The following GARNL3 variants were observed in gnomAD, a reference collection of about 807,000 sequenced individuals.
GARNL3 encodes GTPase activating Rap/RanGAP domain like 3.
Under a neutral mutation model 125.0 loss-of-function variants are expected in GARNL3, and 63 were observed. The observed-to-expected ratio is 0.50, with a 90% confidence interval of 0.41 to 0.62. The LOEUF (loss-of-function observed/expected upper bound fraction) is 0.62. Among genes scored for constraint, GARNL3 ranks in the 20% least tolerant of loss-of-function variants. The pLI is 0.00. For synonymous variants in GARNL3, 439 were observed against 457.5 expected, an observed-to-expected ratio of 0.96 and a Z score of 0.52; for missense variants, 994 against 1,244.0, an observed-to-expected ratio of 0.80 and a Z score of 3.02.
At position 127,385,196 on chromosome 9, in the gene GARNL3, T is replaced by C. The variant is rs1196609865; in HGVS notation, c.2388+51T>C. 8 of 1,185,734 alleles carry C rather than the reference T, an allele frequency of 6.7e-6. No homozygotes were observed. The highest frequency in any genetic ancestry group is 9.6e-6 in the Non-Finnish European group (8 of 830,242). The allele number at this position is 1,185,734 out of a possible 1,614,324, so 73.5% of individuals were successfully genotyped here. On this transcript the variant is annotated intron_variant, in intron 24 of 27. Coordinates refer to ENST00000373387, the MANE Select transcript of GARNL3 (RefSeq NM_032293.5). This position sits in a 1 kb window ranked among gnomAD's most constrained non-coding sequence, Gnocchi z 4.1. ...TGAGTGGTTTGGGGGACCCCGGCAC[T>C]GTGGGATTTCAGGTGAGCACAGAAG...
rs1194734278 is a variant in GARNL3 at position 127,291,211 on chromosome 9, G to T, written c.188G>T (p.Arg63Ile). ...DADGAIQRAGRFRVENGSSDE... is the reference protein window; with the variant it reads ...DADGAIQRAGIFRVENGSSDE... ...GATGGAGCCATCCAAAGGGCTGGAAGATTCAGAGTGGAAAATGGCTCTTCA... is the reference window on the plus strand; with the variant it reads ...GATGGAGCCATCCAAAGGGCTGGAATATTCAGAGTGGAAAATGGCTCTTCA... Residue 63 changes from arginine (R) to isoleucine (I), a missense_variant, in exon 2 of 28, where the codon AGA (arginine) becomes ATA (isoleucine). By Grantham distance (97) the Arg-to-Ile change is moderately conservative. This residue lies in a region of GARNL3 where 139 missense variants were observed against 231.6 expected (regional missense o/e 0.60). Transcript: ENST00000373387. The T allele has an allele frequency of 6.2e-7, 1 of 1,614,170 alleles. No homozygotes were observed. Among genetic ancestry groups the T allele is most frequent in the Admixed American group, 1.7e-5 (1 of 60,028 alleles).
At chr9:127,348,000 G>T (rs1379373847) in intron 16 of GARNL3, among the ~76,000 whole-genome samples, 1 of 152,174 alleles carries the variant, frequency 6.6e-6, no homozygotes, top group Non-Finnish European at 1.5e-5. Flanking sequence ...GCTTTACCTT[G>T]AGTATGCAAA....
intron 14 of GARNL3, among the ~76,000 whole-genome samples, chr9:127,342,576 G>A (rs1331479094): frequency 2.6e-5 from 4 of 152,144 alleles, no homozygotes; most frequent in East Asian, 1.9e-4. Context: ...GGAAATCAAG[G>A]TGCAAACCAG....
At chr9:127,349,315 A>C (rs1181202672) in intron 17 of GARNL3, among the ~76,000 whole-genome samples, 1 of 152,196 alleles carries the variant, frequency 6.6e-6, no homozygotes, top group Non-Finnish European at 1.5e-5. Context: ...TCTCCTTTTC[A>C]GCCAATACTT....
chr9:127,344,717 A>T (rs555670873), intron 15 of GARNL3, among the ~76,000 whole-genome samples: 1 of 152,332 alleles, frequency 6.6e-6, no homozygotes, highest in African/African-American at 2.4e-5. Context: ...GGAAGCACAG[A>T]GTGGCAGTGG....
At chr9:127,341,876 A>G (rs993181299) in intron 13 of GARNL3, among the ~76,000 whole-genome samples, 2 of 152,106 alleles carry the variant, frequency 1.3e-5, no homozygotes, top group African/African-American at 4.8e-5. Flanking sequence ...GAGGAGATGG[A>G]GTGTGGGGCC....
At chr9:127,260,031 A>G (rs138719151), upstream of GARNL3, among the ~76,000 whole-genome samples, 1 of 152,208 alleles carries the variant, frequency 6.6e-6, no homozygotes, top group Non-Finnish European at 1.5e-5. Flanking sequence ...TGTGCTTAGA[A>G]CCTTGTCTGC....
intron 17 of GARNL3, among the ~76,000 whole-genome samples, chr9:127,349,733 G>C (rs1830326432): frequency 1.3e-5 from 2 of 152,184 alleles, no homozygotes; most frequent in Admixed American, 6.5e-5. Context: ...ATGAATGACA[G>C]AGGAGCTAAA....
At chr9:127,367,485 G>GA (rs1218034784) in intron 22 of GARNL3, 2 of 151,892 alleles carry the variant, frequency 1.3e-5, no homozygotes, top group Non-Finnish European at 2.9e-5. Flanking sequence ...TGTGTTATTT[G>GA]AAAAAAATAT....
chr9:127,306,673 G>A (rs992097757), intron 2 of GARNL3, among the ~76,000 whole-genome samples: 2 of 151,158 alleles, frequency 1.3e-5, no homozygotes, highest in Non-Finnish European at 2.9e-5. Context: ...CTTTCAGTGA[G>A]TCTAGATCGC....
intron 25 of GARNL3, among the ~76,000 whole-genome samples, chr9:127,388,040 G>T (rs1832639795): frequency 6.6e-6 from 1 of 152,080 alleles, no homozygotes; most frequent in Admixed American, 6.5e-5. Context: ...CAGCTACTTG[G>T]GAGGCTGAGG....
rs886924567 is a variant in GARNL3, at chr9:127,228,709, T to A, written c.-29+4371T>A. On this transcript the variant is annotated intron_variant, in intron 1 of 10. Coordinates refer to the GARNL3 transcript ENST00000439286. ...AGGTCAAATATATAGCAAATACTTT[T>A]TTCAGTTTATTATTTGCCTTTTAAT... Among the ~76,000 whole-genome samples the A allele has an allele frequency of 9.3e-4, 141 of 152,270 alleles. 12 individuals are homozygous for A. Among genetic ancestry groups the A allele is most frequent in the Non-Finnish European group, 1.5e-5 (1 of 68,052 alleles).
intron 2 of GARNL3, among the ~76,000 whole-genome samples, chr9:127,303,381 T>G (rs547252984): frequency 1.3e-5 from 2 of 152,300 alleles, no homozygotes; most frequent in Non-Finnish European, 2.9e-5. Context: ...TAAAAAGATC[T>G]GGGATTATTC....
At chr9:127,257,129 G>A (rs974631654) in intron 2 of GARNL3, among the ~76,000 whole-genome samples, 3 of 152,226 alleles carry the variant, frequency 2.0e-5, no homozygotes, top group Admixed American at 6.5e-5. Context: ...TTGCTCAATA[G>A]TATTCTGTGG....
intron 17 of GARNL3, among the ~76,000 whole-genome samples, chr9:127,350,860 TA>T (rs1830390337): frequency 6.6e-6 from 1 of 152,088 alleles, no homozygotes; most frequent in Non-Finnish European, 1.5e-5. Context: ...CAACAGACTT[TA>T]GAAGTTTAGT....
Position 127,288,749 on chromosome 9 carries a change from G to A in GARNL3, c.145-2419G>A, listed in dbSNP as rs80136877. Among the ~76,000 whole-genome samples, 57 of 152,204 alleles carry A rather than the reference G, an allele frequency of 3.7e-4. No homozygotes were observed. The East Asian group carries it at 6.4e-3, about 17-fold the overall frequency. ...CAACAAATGAAAAGAGCATTATTAC[G>A]TATGCCTGTGTCTAAAATATAGTGT... On this transcript the variant is annotated intron_variant, in intron 1 of 27. Coordinates refer to ENST00000373387, the MANE Select transcript of GARNL3 (RefSeq NM_032293.5).
At chr9:127,294,214 T>C (rs1207654858) in intron 2 of GARNL3, among the ~76,000 whole-genome samples, 1 of 152,210 alleles carries the variant, frequency 6.6e-6, no homozygotes, top group Non-Finnish European at 1.5e-5. Context: ...AAAAGGACTT[T>C]CATGCTGCAT....
chr9:127,264,958 C>A lies in GARNL3; in HGVS notation c.81C>A (p.Val27=), dbSNP rs773794797. ...TGAAGCATTTTTGTTCCAGCTCTGT[C>A]TCGGAAGACCTAGGCTGTAGACGTG... ...ILMKHFCSSS[V]SEDLGCRRGD... Residue 27 remains valine, a synonymous_variant, in exon 1 of 28, where the codon GTC becomes GTA. Transcript: ENST00000373387. 1.5e-5 allele frequency: 25 copies of A among 1,613,086 alleles called. No homozygotes were observed. Among genetic ancestry groups the A allele is most frequent in the Non-Finnish European group, 2.1e-5 (25 of 1,179,548 alleles).
chr9:127,389,385 T>C (rs571220373), intron 26 of GARNL3, among the ~76,000 whole-genome samples: 1 of 152,342 alleles, frequency 6.6e-6, no homozygotes, highest in African/African-American at 2.4e-5. Flanking sequence ...AAACACTATG[T>C]CTAGTCTGAT....
Sources: gnomAD v4.1 joint callset for allele counts (sites outside exome capture counted in the v4.1 genomes callset) on GRCh38, gnomAD v4.1.1 for gene constraint, gnomAD v4.1.1 regional missense constraint, Gnocchi (gnomAD v3.1) non-coding constraint, MANE v1.5 for transcripts, NCBI Gene and HGNC (gene_info 2026-07-23, HGNC 2026-07-21) for gene names.